ADCY2: variants seen among roughly 807,000 people sequenced by gnomAD.
The protein encoded by ADCY2 is adenylate cyclase type 2.
Under a neutral mutation model 125.2 loss-of-function variants are expected in ADCY2, and 31 were observed. That is an observed-to-expected ratio of 0.25 (90% CI 0.19 to 0.33). The LOEUF is 0.33. Among genes scored for constraint, ADCY2 ranks in the 10% least tolerant of loss-of-function variants. The probability of loss-of-function intolerance (pLI) is 1.00; values close to 1 mark genes in which losing one functional copy is unlikely to be tolerated. For missense variants in ADCY2, 904 were observed against 1,418.2 expected (o/e 0.64, Z 5.82); for synonymous variants, 512 against 548.4 (o/e 0.93, Z 0.93).
At chr5:7,722,340 T>G (rs543486984) in intron 12 of ADCY2, among the ~76,000 whole-genome samples, 1 of 152,330 alleles carries the variant, frequency 6.6e-6, no homozygotes, top group South Asian at 2.1e-4. Flanking sequence ...CTTCCTTGAT[T>G]TCACTCTCAC....
At chr5:7,777,355 C>T (rs1427954901) in intron 18 of ADCY2, among the ~76,000 whole-genome samples, 1 of 152,172 alleles carries the variant, frequency 6.6e-6, no homozygotes, top group Non-Finnish European at 1.5e-5. Flanking sequence ...ATGAACAGTG[C>T]CTGCAACTGT....
chr5:7,685,525 T>G (rs1740493637), intron 4 of ADCY2, among the ~76,000 whole-genome samples: 1 of 152,218 alleles, frequency 6.6e-6, no homozygotes, highest in South Asian at 2.1e-4. Context: ...CAATTTTTTT[T>G]GTAAAAGTCA....
chr5:7,825,936 A>AT (rs1745462270), intron 24 of ADCY2, among the ~76,000 whole-genome samples: 1 of 152,224 alleles, frequency 6.6e-6, no homozygotes. Flanking sequence ...CAGGGCCTGG[A>AT]CATGGTTCAG....
intron 3 of ADCY2, among the ~76,000 whole-genome samples, chr5:7,587,790 A>C (rs1736681089): frequency 6.6e-6 from 1 of 152,230 alleles, no homozygotes; most frequent in African/African-American, 2.4e-5. Context: ...ATAAAGGAGA[A>C]CATAAACACA....
At chr5:7,815,479 G>C (rs1745079880) in intron 22 of ADCY2, among the ~76,000 whole-genome samples, 1 of 152,192 alleles carries the variant, frequency 6.6e-6, no homozygotes. Flanking sequence ...TTGGTGCACA[G>C]AATCGTTAAG....
At chr5:7,735,975 A>G (rs913783386) in intron 14 of ADCY2, among the ~76,000 whole-genome samples, 1 of 152,322 alleles carries the variant, frequency 6.6e-6, no homozygotes, top group East Asian at 1.9e-4. Flanking sequence ...AGGCAGGTGG[A>G]TTGCTTGAGC....
At chr5:7,439,260 C>T (rs539532335) in intron 2 of ADCY2, among the ~76,000 whole-genome samples, 3 of 152,256 alleles carry the variant, frequency 2.0e-5, no homozygotes, top group Admixed American at 6.5e-5. Context: ...CACAGTTTTA[C>T]CTGGCTGGGC....
At chr5:7,567,955 CTCT>C in intron 3 of ADCY2, among the ~76,000 whole-genome samples, 2 of 152,076 alleles carry the variant, frequency 1.3e-5, no homozygotes, top group Middle Eastern at 6.8e-3. Context: ...CTCTCTCTCT[CTCT>C]CTCTGTCAGA....
intron 11 of ADCY2, among the ~76,000 whole-genome samples, chr5:7,716,848 A>T (rs1016531882): frequency 6.6e-6 from 1 of 152,184 alleles, no homozygotes; most frequent in Non-Finnish European, 1.5e-5. Flanking sequence ...GTGGGCCCAA[A>T]CTTTAGTTGG....
chr5:7,427,397 A>G lies in ADCY2; in HGVS notation c.408+12627A>G, dbSNP rs1424707298. Among the ~76,000 whole-genome samples, 3 of 152,210 alleles carry G rather than the reference A, an allele frequency of 2.0e-5. No homozygotes were observed. The East Asian group carries it at 5.8e-4, about 29-fold the overall frequency. ...GCCTTAGGAAACTTACAATCATGGC[A>G]GAAGGTGAAGAAGAAGCAAGGCACC... On this transcript the variant is annotated intron_variant, in intron 2 of 24. Coordinates refer to ENST00000338316, the MANE Select transcript of ADCY2 (RefSeq NM_020546.3).
chr5:7,487,290 A>G (rs1742971327), intron 2 of ADCY2, among the ~76,000 whole-genome samples: 1 of 152,062 alleles, frequency 6.6e-6, no homozygotes, highest in Non-Finnish European at 1.5e-5. Flanking sequence ...TACCCTCCAC[A>G]TTCTCAGAGG....
In ADCY2 at chr5:7,675,016, G is replaced by A. The variant is rs140532164; in HGVS notation, c.721-15675G>A. 2.5e-4 allele frequency among the ~76,000 whole-genome samples: 38 copies of A among 152,084 alleles called. No homozygotes were observed. In the East Asian group the frequency reaches 6.0e-3, roughly 24 times the overall value. On this transcript the variant is annotated intron_variant, in intron 4 of 24. Coordinates refer to ENST00000338316, the MANE Select transcript of ADCY2 (RefSeq NM_020546.3). ...TAAAAATACAAAAAATTAGCTGGGC[G>A]TGGTGGCGGGCACCTGTAGTCTCAG...
At chr5:7,431,205 A>C (rs1281620651) in intron 2 of ADCY2, among the ~76,000 whole-genome samples, 1 of 152,228 alleles carries the variant, frequency 6.6e-6, no homozygotes, top group African/African-American at 2.4e-5. Context: ...CATTTAGGCC[A>C]ATGGGATACA....
rs1278314591 is a variant in ADCY2, at chr5:7,750,906, C to G, written c.1957-6543C>G. 3.9e-5 allele frequency among the ~76,000 whole-genome samples: 6 copies of G among 152,014 alleles called. No homozygotes were observed. In the East Asian group the frequency reaches 1.2e-3, roughly 29 times the overall value. On this transcript the variant is annotated intron_variant, in intron 15 of 24. Coordinates refer to ENST00000338316, the MANE Select transcript of ADCY2 (RefSeq NM_020546.3). ...CGCTCTAGGTCTGCAACGTCATTGT[C>G]CAATATCTCCTTGTGTTTTGTCTCT...
chr5:7,565,151 G>A (rs1000429274), intron 3 of ADCY2, among the ~76,000 whole-genome samples: 1 of 152,208 alleles, frequency 6.6e-6, no homozygotes, highest in African/African-American at 2.4e-5. Flanking sequence ...TCACATGCTG[G>A]ACTAGAAGGA....
At chr5:7,791,362 A>T (rs915557075) in intron 20 of ADCY2, among the ~76,000 whole-genome samples, 1 of 152,144 alleles carries the variant, frequency 6.6e-6, no homozygotes, top group African/African-American at 2.4e-5. Context: ...GATAAGCTCA[A>T]CCTGGATGAT....
chr5:7,402,447 C>T (rs998860159), intron 1 of ADCY2, among the ~76,000 whole-genome samples: 3 of 152,156 alleles, frequency 2.0e-5, no homozygotes, highest in African/African-American at 7.2e-5. Context: ...CTTTGGTTCC[C>T]GCTTTTTGCT....
chr5:7,614,872 T>A (rs1310066472), intron 3 of ADCY2, among the ~76,000 whole-genome samples: 2 of 152,186 alleles, frequency 1.3e-5, no homozygotes, highest in Non-Finnish European at 2.9e-5. Context: ...TAGCAACATG[T>A]CCCTCCTTGT....
chr5:7,516,254 AG>A (rs2126526371), intron 2 of ADCY2, among the ~76,000 whole-genome samples: 1 of 152,356 alleles, frequency 6.6e-6, no homozygotes, highest in South Asian at 2.1e-4. Flanking sequence ...ACCTGGAAAG[AG>A]GCCCATGATG....
Sources: allele counts gnomAD v4.1 joint callset (sites outside exome capture counted in the v4.1 genomes callset), GRCh38; gene constraint gnomAD v4.1.1; transcripts MANE v1.5; gene names NCBI Gene and HGNC (gene_info 2026-07-23, HGNC 2026-07-21).